The following CDH20 variants were observed in gnomAD, a reference collection of about 807,000 sequenced individuals.
CDH20 encodes the protein cadherin 20, also known as cadherin-20.
A neutral mutation model predicts 74.2 loss-of-function variants in CDH20; 29 were observed. The observed-to-expected ratio is 0.39, with a 90% confidence interval of 0.29 to 0.53. The LOEUF (loss-of-function observed/expected upper bound fraction) is 0.53. CDH20 is among the 20% of genes least tolerant of loss of function. The probability of loss-of-function intolerance (pLI) is 0.69; values close to 1 mark genes in which losing one functional copy is unlikely to be tolerated. For synonymous variants in CDH20, 469 were observed against 405.4 expected (o/e 1.16, Z -1.88); for missense variants, 988 against 1,048.3 (o/e 0.94, Z 0.79).
intron 1 of CDH20, among the ~76,000 whole-genome samples, chr18:61,410,685 C>T (rs1184626754): frequency 2.0e-5 from 3 of 152,068 alleles, no homozygotes; most frequent in African/African-American, 7.2e-5. Context: ...GGTTTAAAAA[C>T]AACTAAATAT....
intron 1 of CDH20, among the ~76,000 whole-genome samples, chr18:61,390,225 G>A (rs1351698986): frequency 6.6e-6 from 1 of 152,132 alleles, no homozygotes; most frequent in African/African-American, 2.4e-5. Context: ...GTAAATATGT[G>A]TGGAATGAAT....
chr18:61,462,341 G>GA (rs775488214), intron 1 of CDH20, among the ~76,000 whole-genome samples: 2 of 152,134 alleles, frequency 1.3e-5, no homozygotes, highest in Non-Finnish European at 2.9e-5. Context: ...AAGTCAGCAT[G>GA]AATCGGCCTT....
intron 1 of CDH20, among the ~76,000 whole-genome samples, chr18:61,465,705 G>A (rs1261997962): frequency 6.6e-6 from 1 of 152,014 alleles, no homozygotes; most frequent in African/African-American, 2.4e-5. Context: ...AAGGTCAACA[G>A]CATAGAGGAT....
chr18:61,550,076 G>A lies in CDH20; in HGVS notation c.1747G>A (p.Val583Met), dbSNP rs201674452. Residue 583 changes from valine to methionine, a missense_variant, in exon 11 of 12, where the codon GTG becomes ATG. By Grantham distance (21) the Val-to-Met change is conservative. Transcript: ENST00000262717. ...PILIADSGQP[V>M]LSSTGTLTIQ... ...CCTGATAGCAGATAGCGGGCAGCCC[G>A]TGCTGAGCAGCACAGGCACACTGAC... The A allele has an allele frequency of 1.9e-5, 31 of 1,614,208 alleles. No homozygotes were observed. Among genetic ancestry groups the A allele is most frequent in the South Asian group, 1.3e-4 (12 of 91,086 alleles).
rs1027097866 is a variant in CDH20, at chr18:61,515,378, C to A, written c.1017+7818C>A. Among the ~76,000 whole-genome samples, 43 of 152,106 alleles carry A rather than the reference C, an allele frequency of 2.8e-4. No individual in the cohort carries two copies. In the East Asian group the frequency reaches 5.7e-3, roughly 20 times the overall value. ...TTCGGCTCGCGCACGGTGCACGCAC[C>A]CACTGACCTGCGCCCACTGTCTGGC... is the stretch of plus-strand genomic sequence containing the variant. On this transcript the variant is annotated intron_variant, in intron 6 of 11. Transcript: ENST00000262717.
At chr18:61,496,489 A>ACATC (rs1911166496) in intron 2 of CDH20, among the ~76,000 whole-genome samples, 1 of 151,902 alleles carries the variant, frequency 6.6e-6, no homozygotes. Flanking sequence ...CGTCAGGCCC[A>ACATC]CATCAAGATG....
intron 1 of CDH20, among the ~76,000 whole-genome samples, chr18:61,439,047 T>C (rs984320770): frequency 1.3e-5 from 2 of 151,984 alleles, no homozygotes; most frequent in Non-Finnish European, 2.9e-5. Context: ...GGGCAAAACA[T>C]TGGGTAACCA....
intron 5 of CDH20, among the ~76,000 whole-genome samples, chr18:61,504,243 G>T (rs1466695759): frequency 6.6e-6 from 1 of 152,170 alleles, no homozygotes; most frequent in African/African-American, 2.4e-5. Context: ...CAGGGGAGTC[G>T]GTTAGGAGGC....
chr18:61,549,806 GTT>G lies in CDH20; in HGVS notation c.1649-170_1649-169del, dbSNP rs1913369543. On this transcript the variant is annotated intron_variant, in intron 10 of 11. Coordinates refer to ENST00000262717, the MANE Select transcript of CDH20 (RefSeq NM_031891.4). Reference sequence around the variant, plus strand: ...TGCCTAAAAGCAAGCAAAAAGCATGGTTTCTGAATCCAAATGCTGATCCAGGC... The same window carrying G: ...TGCCTAAAAGCAAGCAAAAAGCATGGTCTGAATCCAAATGCTGATCCAGGC... The G allele has an allele frequency of 7.6e-6, 5 of 655,630 alleles. No homozygotes were observed. The East Asian group carries it at 1.4e-4, about 18-fold the overall frequency. The allele number at this position is 655,630 out of a possible 1,614,324, so 40.6% of individuals were successfully genotyped here.
In CDH20 at chr18:61,535,888, A is replaced by G. The variant is rs1912802325; in HGVS notation, c.1272-605A>G. On this transcript the variant is annotated intron_variant, in intron 7 of 11. Coordinates refer to ENST00000262717, the MANE Select transcript of CDH20 (RefSeq NM_031891.4). ...TAAACTCTAGGTTTATTTACAGTAA[A>G]CAACCTAGCCAGATCCGGTCCATCC... Among the ~76,000 whole-genome samples the G allele has an allele frequency of 2.0e-5, 3 of 152,156 alleles. No homozygotes were observed. In the South Asian group the frequency reaches 6.2e-4, roughly 31 times the overall value.
chr18:61,334,745 G>A (rs987453661), intron 1 of CDH20, among the ~76,000 whole-genome samples: 5 of 152,092 alleles, frequency 3.3e-5, no homozygotes, highest in African/African-American at 7.2e-5. Flanking sequence ...TGTTTCTGCC[G>A]AGACCAGGCT....
intron 1 of CDH20, among the ~76,000 whole-genome samples, chr18:61,438,831 A>G (rs1281167344): frequency 1.3e-5 from 2 of 152,184 alleles, no homozygotes; most frequent in Admixed American, 1.3e-4. Context: ...ACCATTCGCA[A>G]TACCAAAGAC....
intron 6 of CDH20, among the ~76,000 whole-genome samples, chr18:61,526,359 G>C (rs1246425087): frequency 6.6e-6 from 1 of 151,884 alleles, no homozygotes. Context: ...AGTTAAAGCA[G>C]CACCTACCGA....
intron 1 of CDH20, among the ~76,000 whole-genome samples, chr18:61,480,056 A>G (rs182563221): frequency 3.9e-5 from 6 of 152,322 alleles, no homozygotes; most frequent in Admixed American, 3.9e-4. Context: ...ATGTGAATAT[A>G]GTCTTATAGT....
intron 1 of CDH20, among the ~76,000 whole-genome samples, chr18:61,473,410 G>A (rs902444021): frequency 2.6e-5 from 4 of 152,154 alleles, no homozygotes; most frequent in African/African-American, 9.7e-5. Context: ...ATTAAAGCAT[G>A]TGGCTTGGTT....
chr18:61,467,684 C>T (rs564242114), intron 1 of CDH20, among the ~76,000 whole-genome samples: 30 of 152,258 alleles, frequency 2.0e-4, no homozygotes, highest in African/African-American at 7.2e-4. Context: ...CTGAGCATCT[C>T]TTATGTTCTA....
rs540157339 is a variant in CDH20 at position 61,524,114 on chromosome 18, A to T, written c.1018-3853A>T. On this transcript the variant is annotated intron_variant, in intron 6 of 11. Transcript: ENST00000262717. ...AAGAGAATGAAAAGACAAATCACAG[A>T]CTAGGAGAAAATATTTGCAAATCAT... 1.6e-4 allele frequency among the ~76,000 whole-genome samples: 24 copies of T among 152,256 alleles called. No homozygotes were observed. In the East Asian group the frequency reaches 4.4e-3, roughly 28 times the overall value.
Position 61,539,101 on chromosome 18 carries a change from A to G in CDH20, c.1486A>G (p.Arg496Gly). The G allele has an allele frequency of 1.2e-6, 2 of 1,614,088 alleles. No individual in the cohort carries two copies. Among genetic ancestry groups the G allele is most frequent in the Non-Finnish European group, 1.7e-6 (2 of 1,179,988 alleles). The change falls in exon 9 of 12, where the codon AGA becomes GGA. Residue 496 changes from arginine (R) to glycine (G), a missense_variant. Physicochemically the swap from Arg to Gly is moderately radical, Grantham distance 125. This residue lies in a region of CDH20 where 613 missense variants were observed against 755.2 expected (regional missense o/e 0.81). Coordinates refer to ENST00000262717, the MANE Select transcript of CDH20 (RefSeq NM_031891.4). ...GAATGACAATGCTCCAGAGTTCCCC[A>G]GATTCTATGAAGCTTTTGTCTGTGA... is the stretch of plus-strand genomic sequence containing the variant. The part of the protein sequence containing the change: ...DVNDNAPEFP[R>G]FYEAFVCENA...
At chr18:61,527,086 A>G (rs1304789074) in intron 6 of CDH20, among the ~76,000 whole-genome samples, 1 of 152,224 alleles carries the variant, frequency 6.6e-6, no homozygotes, top group African/African-American at 2.4e-5. Flanking sequence ...AGGCTGAGGC[A>G]GAAGAATCGC....
Sources: gnomAD v4.1 joint callset for allele counts (sites outside exome capture counted in the v4.1 genomes callset) on GRCh38, gnomAD v4.1.1 for gene constraint, gnomAD v4.1.1 regional missense constraint, MANE v1.5 for transcripts, NCBI Gene and HGNC (gene_info 2026-07-23, HGNC 2026-07-21) for gene names.